NRXN3: variants seen among roughly 807,000 people sequenced by gnomAD.
NRXN3 encodes neurexin 3, also known as neurexin III.
A neutral mutation model predicts 137.6 loss-of-function variants in NRXN3; 32 were observed. The observed-to-expected ratio is 0.23, with a 90% CI of 0.18 to 0.31. The LOEUF (loss-of-function observed/expected upper bound fraction) is 0.31. NRXN3 is among the 10% of genes least tolerant of loss of function. The pLI, the probability that NRXN3 is intolerant of heterozygous loss-of-function variation, is 1.00. For synonymous variants in NRXN3, 798 were observed against 784.5 expected (o/e 1.02, Z -0.29); for missense variants, 1,574 against 2,062.5 (o/e 0.76, Z 4.59).
chr14:78,341,066 A>G (rs905243436), intron 4 of NRXN3, among the ~76,000 whole-genome samples: 2 of 152,162 alleles, frequency 1.3e-5, no homozygotes, highest in Non-Finnish European at 2.9e-5. Flanking sequence ...TTGTAGTAAA[A>G]AAGTATTTGT....
rs1220560684 is a variant in NRXN3, at chr14:78,243,703, G to A, written c.610G>A (p.Glu204Lys). Residue 204 changes from glutamate (E) to lysine (K), a missense_variant, in exon 2 of 21, where the codon GAG (glutamate) becomes AAG (lysine). Transcript: ENST00000335750. This position sits in a 1 kb window ranked among gnomAD's most constrained non-coding sequence, Gnocchi z 4.2. ...VQMDAEGPCG[E>K]RPCENGGICF... ...GATGGATGCCGAGGGACCCTGTGGTGAGCGTCCCTGTGAAAATGGTGGGAT... is the reference window on the plus strand; with the variant it reads ...GATGGATGCCGAGGGACCCTGTGGTAAGCGTCCCTGTGAAAATGGTGGGAT... 1.3e-6 allele frequency: 2 copies of A among 1,598,250 alleles called. No individual in the cohort carries two copies. The highest frequency in any genetic ancestry group is 1.7e-6 in the Non-Finnish European group (2 of 1,179,770).
At chr14:79,558,204 C>A (rs1265639911) in intron 16 of NRXN3, among the ~76,000 whole-genome samples, 1 of 152,104 alleles carries the variant, frequency 6.6e-6, no homozygotes, top group African/African-American at 2.4e-5. Flanking sequence ...GGGTTGGAAT[C>A]AACTTTTTTC....
intron 4 of NRXN3, among the ~76,000 whole-genome samples, chr14:78,338,186 G>A (rs777622919): frequency 2.9e-4 from 44 of 152,226 alleles, no homozygotes; most frequent in Admixed American, 1.0e-3. Flanking sequence ...CTGTATCTCT[G>A]TAACATTTCC....
At chr14:78,445,903 T>C (rs925314464) in intron 4 of NRXN3, among the ~76,000 whole-genome samples, 1 of 152,202 alleles carries the variant, frequency 6.6e-6, no homozygotes, top group African/African-American at 2.4e-5. Flanking sequence ...TGAGGTTCTG[T>C]TCAGAAAGCC....
chr14:78,530,963 C>T (rs892944893), intron 4 of NRXN3, among the ~76,000 whole-genome samples: 21 of 152,154 alleles, frequency 1.4e-4, no homozygotes, highest in Admixed American at 5.2e-4. Context: ...AAAGTGGCTT[C>T]TTGACTATTG....
At chr14:78,182,511 C>G (rs928522338) in intron 1 of NRXN3, among the ~76,000 whole-genome samples, 8 of 152,170 alleles carry the variant, frequency 5.3e-5, no homozygotes, top group Non-Finnish European at 1.0e-4. Context: ...CTCCTGTTGC[C>G]CAGGCTGGAA....
At chr14:78,491,599 T>G (rs548267930) in intron 4 of NRXN3, among the ~76,000 whole-genome samples, 1 of 152,240 alleles carries the variant, frequency 6.6e-6, no homozygotes, top group South Asian at 2.1e-4. Context: ...TATACGCAAA[T>G]ATACAGGCAT....
At chr14:79,814,927 C>T (rs1603589732) in intron 20 of NRXN3, among the ~76,000 whole-genome samples, 1 of 152,328 alleles carries the variant, frequency 6.6e-6, no homozygotes, top group African/African-American at 2.4e-5. Context: ...ACTGGTTCCA[C>T]CTCATGCATA....
intron 4 of NRXN3, among the ~76,000 whole-genome samples, chr14:78,539,111 C>T (rs189533895): frequency 3.2e-4 from 48 of 152,168 alleles, no homozygotes; most frequent in African/African-American, 1.1e-3. Context: ...TTTGGTATCA[C>T]GATTATGTTG....
chr14:79,194,425 A>T (rs2153189600), intron 15 of NRXN3, among the ~76,000 whole-genome samples: 1 of 152,346 alleles, frequency 6.6e-6, no homozygotes, highest in East Asian at 1.9e-4. Flanking sequence ...GCATCCCAGG[A>T]ACAGAACTGT....
chr14:78,480,710 T>C (rs1386280912), intron 4 of NRXN3, among the ~76,000 whole-genome samples: 1 of 152,230 alleles, frequency 6.6e-6, no homozygotes, highest in Non-Finnish European at 1.5e-5. Context: ...ATTACATACA[T>C]CTGTCTCCTT....
chr14:79,825,792 ATT>A (rs1019536658), intron 20 of NRXN3, among the ~76,000 whole-genome samples: 17 of 152,232 alleles, frequency 1.1e-4, no homozygotes, highest in African/African-American at 3.9e-4. Flanking sequence ...AAATATATAT[ATT>A]GTTACACTTT....
At chr14:79,404,569 T>C (rs2095271860) in intron 15 of NRXN3, among the ~76,000 whole-genome samples, 1 of 152,156 alleles carries the variant, frequency 6.6e-6, no homozygotes, top group Non-Finnish European at 1.5e-5. Context: ...TTTGAGTTTC[T>C]CTAAGAAAAG....
intron 15 of NRXN3, among the ~76,000 whole-genome samples, chr14:79,374,779 T>G (rs149909723): frequency 6.6e-6 from 1 of 152,276 alleles, no homozygotes; most frequent in African/African-American, 2.4e-5. Flanking sequence ...ATTTATAATT[T>G]TACCTACAAT....
intron 16 of NRXN3, among the ~76,000 whole-genome samples, chr14:79,582,165 A>G (rs1224068341): frequency 6.6e-6 from 1 of 152,160 alleles, no homozygotes; most frequent in African/African-American, 2.4e-5. Context: ...CTGGTCTCAA[A>G]TTCCTGAGTT....
chr14:78,681,588 A>C (rs1436434131), intron 6 of NRXN3, among the ~76,000 whole-genome samples: 3 of 152,184 alleles, frequency 2.0e-5, no homozygotes, highest in African/African-American at 7.2e-5. Flanking sequence ...TTAGGACCTC[A>C]ATCATTCCTG....
At chr14:78,478,937 G>T (rs1476374448) in intron 4 of NRXN3, among the ~76,000 whole-genome samples, 1 of 152,086 alleles carries the variant, frequency 6.6e-6, no homozygotes, top group African/African-American at 2.4e-5. Flanking sequence ...CCTCCTTCAA[G>T]CTCTATGCAG....
chr14:78,827,570 C>T (rs1164322072), intron 10 of NRXN3, among the ~76,000 whole-genome samples: 1 of 152,226 alleles, frequency 6.6e-6, no homozygotes, highest in Non-Finnish European at 1.5e-5. Context: ...AAGTGAAACA[C>T]TTGCTGAGGC....
intron 4 of NRXN3, among the ~76,000 whole-genome samples, chr14:78,636,604 C>A (rs2097569212): frequency 6.6e-6 from 1 of 152,036 alleles, no homozygotes; most frequent in South Asian, 2.1e-4. Context: ...AAAATGGATT[C>A]CCCTCTGTAA....
Sources: allele counts gnomAD v4.1 joint callset (sites outside exome capture counted in the v4.1 genomes callset), GRCh38; gene constraint gnomAD v4.1.1; non-coding constraint Gnocchi (gnomAD v3.1); transcripts MANE v1.5; gene names NCBI Gene and HGNC (gene_info 2026-07-23, HGNC 2026-07-21).